MYT1L: variants seen among roughly 807,000 people sequenced by gnomAD.
The protein encoded by MYT1L is myelin transcription factor 1-like protein.
In MYT1L, 12 loss-of-function variants were observed where a neutral mutation model predicts 126.7. The observed-to-expected ratio is 0.09, with a 90% CI of 0.06 to 0.15. MYT1L has a LOEUF of 0.15. Among genes scored for constraint, MYT1L ranks in the 10% least tolerant of loss-of-function variants. MYT1L has a pLI of 1.00. For missense variants in MYT1L, 979 were observed against 1,585.2 expected (o/e 0.62, Z 6.49); for synonymous variants, 541 against 604.2 (o/e 0.90, Z 1.53).
At chr2:2,139,955 C>T (rs1262015239) in intron 3 of MYT1L, among the ~76,000 whole-genome samples, 1 of 152,056 alleles carries the variant, frequency 6.6e-6, no homozygotes, top group Non-Finnish European at 1.5e-5. Flanking sequence ...GAGCAAGGAT[C>T]GGTCAAAACT....
intron 3 of MYT1L, among the ~76,000 whole-genome samples, chr2:2,086,525 T>C (rs1178070718): frequency 2.0e-5 from 3 of 152,190 alleles, no homozygotes; most frequent in Non-Finnish European, 4.4e-5. Flanking sequence ...TTTTAATTTG[T>C]ACTCACTTTG....
At chr2:2,100,265 G>T (rs2077907534) in intron 3 of MYT1L, among the ~76,000 whole-genome samples, 1 of 152,200 alleles carries the variant, frequency 6.6e-6, no homozygotes, top group African/African-American at 2.4e-5. Context: ...GCGGGCACCA[G>T]TGAGGGTGGG....
chr2:1,833,015 G>A lies in MYT1L; in HGVS notation c.3080+6134C>T, dbSNP rs533922535. ...GGAGGCATGTCTGTCTGTGTCGGCC[G>A]AATGAGATGAATGAATGACACGTCT... On this transcript the variant is annotated intron_variant, in intron 21 of 24. Transcript: ENST00000647738. Among the ~76,000 whole-genome samples, 124 of 152,320 alleles carry A rather than the reference G, an allele frequency of 8.1e-4. 1 individual carries two copies. The highest frequency in any genetic ancestry group is 2.8e-3 in the Admixed American group (43 of 15,300).
At chr2:2,105,514 A>G (rs2078644130) in intron 3 of MYT1L, among the ~76,000 whole-genome samples, 1 of 152,236 alleles carries the variant, frequency 6.6e-6, no homozygotes, top group Non-Finnish European at 1.5e-5. Context: ...ATGACATAAG[A>G]ACAACTGCTT....
intron 1 of MYT1L, among the ~76,000 whole-genome samples, chr2:2,316,584 C>T (rs756433181): frequency 1.8e-4 from 27 of 152,146 alleles, no homozygotes; most frequent in African/African-American, 5.6e-4. Context: ...CAGGGTGGTT[C>T]GAGAGAAACC....
chr2:2,046,059 C>T (rs998306360), intron 4 of MYT1L, among the ~76,000 whole-genome samples: 10 of 152,252 alleles, frequency 6.6e-5, no homozygotes, highest in African/African-American at 1.9e-4. Context: ...TGAATATAAA[C>T]ATGAATAATT....
chr2:1,854,345 T>A (rs551497513), intron 18 of MYT1L, among the ~76,000 whole-genome samples: 1 of 152,168 alleles, frequency 6.6e-6, no homozygotes, highest in East Asian at 1.9e-4. Flanking sequence ...TCATTAAATG[T>A]GATTATGTAA....
chr2:2,140,862 C>A (rs1047954621), intron 3 of MYT1L, among the ~76,000 whole-genome samples: 1 of 152,156 alleles, frequency 6.6e-6, no homozygotes. Context: ...AGCCACTGCG[C>A]CTGGCCTGGA....
intron 3 of MYT1L, among the ~76,000 whole-genome samples, chr2:2,066,199 C>G (rs967562559): frequency 1.3e-5 from 2 of 152,288 alleles, no homozygotes; most frequent in East Asian, 1.9e-4. Flanking sequence ...AGATCCACAT[C>G]CTACTTCTCT....
At chr2:2,270,347 G>C (rs779863607) in intron 2 of MYT1L, among the ~76,000 whole-genome samples, 1 of 152,218 alleles carries the variant, frequency 6.6e-6, no homozygotes, top group Non-Finnish European at 1.5e-5. Flanking sequence ...ACTGAGAGCT[G>C]CCTGCATCTG....
At chr2:2,252,075 G>C (rs889863563) in intron 2 of MYT1L, among the ~76,000 whole-genome samples, 3 of 152,130 alleles carry the variant, frequency 2.0e-5, no homozygotes, top group African/African-American at 7.2e-5. Context: ...AAATTCAGCT[G>C]TCCTTGTTAC....
intron 2 of MYT1L, among the ~76,000 whole-genome samples, chr2:2,277,028 C>T (rs62118680): frequency 0.069 from 10,516 of 152,012 alleles, 430 homozygotes; most frequent in Middle Eastern, 0.12. Context: ...GTTGGCCAGG[C>T]TGGAGTGCAG....
chr2:2,308,686 C>T (rs1364157392), intron 1 of MYT1L, among the ~76,000 whole-genome samples: 1 of 151,892 alleles, frequency 6.6e-6, no homozygotes, highest in East Asian at 1.9e-4. Context: ...CTTACCTACT[C>T]TTTAGTATAC....
chr2:1,903,128 C>T lies in MYT1L; in HGVS notation c.1984G>A (p.Ala662Thr). 6.2e-7 allele frequency: 1 copy of T among 1,614,018 alleles called. No homozygotes were observed. Among genetic ancestry groups the T allele is most frequent in the Non-Finnish European group, 8.5e-7 (1 of 1,179,894 alleles). ...ATATCCCTGGTTTGCACCTTGGGAGCTATGGCTCGCTTGCCATAAGTATGG... is the reference window on the plus strand; with the variant it reads ...ATATCCCTGGTTTGCACCTTGGGAGTTATGGCTCGCTTGCCATAAGTATGG... ...DNHTYGKRAI[A>T]PKVQTRDISP... The change falls in exon 14 of 25, where the codon GCT becomes ACT. Residue 662 changes from alanine to threonine, a missense_variant. Transcript: ENST00000647738.
chr2:2,127,421 C>T (rs1316258081), intron 3 of MYT1L, among the ~76,000 whole-genome samples: 1 of 152,190 alleles, frequency 6.6e-6, no homozygotes, highest in Non-Finnish European at 1.5e-5. Context: ...GAAAGAGCAT[C>T]CATGTTGTCA....
intron 19 of MYT1L, among the ~76,000 whole-genome samples, chr2:1,849,810 T>C (rs1262617155): frequency 6.6e-6 from 1 of 152,222 alleles, no homozygotes; most frequent in East Asian, 1.9e-4. Context: ...TGTTTAAACA[T>C]AGCTCTCAAA....
intron 1 of MYT1L, among the ~76,000 whole-genome samples, chr2:2,327,898 T>C (rs905008418): frequency 6.6e-6 from 1 of 152,164 alleles, no homozygotes; most frequent in Non-Finnish European, 1.5e-5. Flanking sequence ...CTAAAATATA[T>C]AACAAGTAAA....
intron 19 of MYT1L, among the ~76,000 whole-genome samples, chr2:1,847,917 C>A (rs1410904470): frequency 6.6e-6 from 1 of 152,152 alleles, no homozygotes; most frequent in Non-Finnish European, 1.5e-5. Flanking sequence ...GAGGCAGGTA[C>A]AACCCCACCT....
At chr2:2,085,337 G>C (rs1001906912) in intron 3 of MYT1L, among the ~76,000 whole-genome samples, 6 of 151,972 alleles carry the variant, frequency 3.9e-5, no homozygotes, top group Non-Finnish European at 8.8e-5. Context: ...GTCCCTATTT[G>C]GCACAAATAT....
Sources: allele counts gnomAD v4.1 joint callset (sites outside exome capture counted in the v4.1 genomes callset), GRCh38; gene constraint gnomAD v4.1.1; transcripts MANE v1.5; gene names NCBI Gene and HGNC (gene_info 2026-07-23, HGNC 2026-07-21).